CCDC171: variants seen among roughly 807,000 people sequenced by gnomAD.
The protein encoded by CCDC171 is coiled-coil domain-containing protein 171.
CCDC171 carries 177 observed loss-of-function variants against 168.2 expected under a neutral mutation model. The ratio of observed to expected loss-of-function variants is 1.05; its 90% CI spans 0.93 to 1.19. CCDC171 has a LOEUF of 1.19. CCDC171 is among the 50% of genes most tolerant of loss of function. CCDC171 has a pLI of 0.00. For missense variants in CCDC171, 1,991 were observed against 1,539.0 expected (o/e 1.29, Z -4.91); for synonymous variants, 687 against 540.8 (o/e 1.27, Z -3.75).
intron 1 of CCDC171, 194 bp downstream of exon 1, chr9:15,553,496 A>G (rs1416868420): frequency 6.6e-6 from 1 of 152,398 alleles, no homozygotes; most frequent in Non-Finnish European, 1.5e-5. Flanking sequence ...CTAGCCAGAG[A>G]TCGCTGAGGC....
In CCDC171 at chr9:15,800,711, C is replaced by A. The variant is rs78897347; in HGVS notation, c.3267+16017C>A. Among the ~76,000 whole-genome samples, 1,038 of 151,972 alleles carry A rather than the reference C, an allele frequency of 6.8e-3. 7 individuals carry two copies. The highest frequency in any genetic ancestry group is 0.023 in the African/African-American group (965 of 41,464). ...CCAAACCAATTTCCTAGAGAGTTTC[C>A]CCAGTGTTTTCTTGTAGTAGTTTTA... is the stretch of plus-strand genomic sequence containing the variant. On this transcript the variant is annotated intron_variant, in intron 21 of 25. Transcript: ENST00000380701.
intron 24 of CCDC171, among the ~76,000 whole-genome samples, chr9:15,880,011 C>T (rs1752777): frequency 0.78 from 118,354 of 152,058 alleles, 46,812 homozygotes; most frequent in East Asian, 0.85. Flanking sequence ...AAAGTTTTTT[C>T]CTCTTTTTAT....
chr9:15,655,019 C>A (rs997909196), intron 7 of CCDC171, among the ~76,000 whole-genome samples: 2 of 152,082 alleles, frequency 1.3e-5, no homozygotes, highest in African/African-American at 4.8e-5. Flanking sequence ...ACATCACACA[C>A]CGGAGCCTGT....
At chr9:15,804,688 G>A (rs1295183827) in intron 21 of CCDC171, among the ~76,000 whole-genome samples, 1 of 151,906 alleles carries the variant, frequency 6.6e-6, no homozygotes, top group Non-Finnish European at 1.5e-5. Context: ...TATTAGCCTG[G>A]AGTTGTCTTG....
intron 20 of CCDC171, among the ~76,000 whole-genome samples, chr9:15,781,796 A>C (rs1259355225): frequency 6.6e-6 from 1 of 152,200 alleles, no homozygotes; most frequent in Non-Finnish European, 1.5e-5. Flanking sequence ...CGTGTTGACC[A>C]GGTATCAGAC....
chr9:15,658,480 C>G (rs1026229105), intron 8 of CCDC171, among the ~76,000 whole-genome samples: 1 of 152,176 alleles, frequency 6.6e-6, no homozygotes, highest in Non-Finnish European at 1.5e-5. Flanking sequence ...TCAAAGATGT[C>G]CACATCTGCC....
intron 23 of CCDC171, among the ~76,000 whole-genome samples, chr9:15,869,087 C>T (rs1348420167): frequency 6.6e-6 from 1 of 151,938 alleles, no homozygotes; most frequent in African/African-American, 2.4e-5. Context: ...TGTACATGTT[C>T]AGGACAGATG....
At chr9:16,047,686 C>G (rs554205159) in intron 1 of CCDC171, among the ~76,000 whole-genome samples, 1 of 152,202 alleles carries the variant, frequency 6.6e-6, no homozygotes. Context: ...GTCAGGAGCA[C>G]GTGGATTTGA....
intron 9 of CCDC171, among the ~76,000 whole-genome samples, chr9:15,666,885 A>G (rs2048772810): frequency 6.6e-6 from 1 of 152,190 alleles, no homozygotes; most frequent in African/African-American, 2.4e-5. Context: ...TAATAATAGC[A>G]GTAACACTAC....
downstream of CCDC171, among the ~76,000 whole-genome samples, chr9:16,063,512 G>T (rs561360758): frequency 5.3e-5 from 8 of 152,308 alleles, no homozygotes; most frequent in African/African-American, 1.9e-4. Context: ...AAAAAGTGAA[G>T]TTGGGGGGTT....
intron 4 of CCDC171, among the ~76,000 whole-genome samples, chr9:15,580,424 GA>G (rs2041017119): frequency 6.6e-6 from 1 of 151,974 alleles, no homozygotes; most frequent in Non-Finnish European, 1.5e-5. Flanking sequence ...CACAGCAAAA[GA>G]ATAGTCAGCA....
chr9:15,734,256 C>G (rs1003068779), intron 16 of CCDC171, among the ~76,000 whole-genome samples: 9 of 152,286 alleles, frequency 5.9e-5, no homozygotes, highest in Non-Finnish European at 1.2e-4. Flanking sequence ...AAATTGGAGG[C>G]TGAGTGTGGT....
chr9:15,583,761 C>T (rs2041329585), intron 4 of CCDC171, among the ~76,000 whole-genome samples: 1 of 151,622 alleles, frequency 6.6e-6, no homozygotes, highest in South Asian at 2.1e-4. Flanking sequence ...ACCATCTGTT[C>T]CCCAAACTAT....
At chr9:15,600,780 C>G (rs997400942) in intron 6 of CCDC171, among the ~76,000 whole-genome samples, 28 of 152,186 alleles carry the variant, frequency 1.8e-4, no homozygotes, top group African/African-American at 6.3e-4. Flanking sequence ...GCGGTGGGCT[C>G]CACCCATTTC....
intron 8 of CCDC171, chr9:16,036,242 G>A (rs1833464824): frequency 6.6e-6 from 1 of 152,200 alleles, no homozygotes; most frequent in Non-Finnish European, 1.5e-5. Flanking sequence ...AGTTGTCTTG[G>A]GAACGTGAAT....
At chr9:16,074,291 T>C in the CCDC171 span, among the ~76,000 whole-genome samples, 3 of 152,212 alleles carry the variant, frequency 2.0e-5, no homozygotes, top group African/African-American at 7.2e-5. Context: ...CTCTTTGTCT[T>C]GCTGGATATA....
chr9:15,687,576 A>G (rs919674982), intron 10 of CCDC171, among the ~76,000 whole-genome samples: 1 of 152,210 alleles, frequency 6.6e-6, no homozygotes, highest in African/African-American at 2.4e-5. Flanking sequence ...TAAAAAATAG[A>G]GGAAATCAGT....
intron 21 of CCDC171, among the ~76,000 whole-genome samples, chr9:15,785,116 T>C (rs568347878): frequency 1.3e-5 from 2 of 152,228 alleles, no homozygotes; most frequent in Admixed American, 1.3e-4. Context: ...AAGTACATAT[T>C]TGGGGAGAAG....
chr9:15,992,228 C>G (rs1468687832), intron 3 of CCDC171, among the ~76,000 whole-genome samples: 2 of 152,118 alleles, frequency 1.3e-5, no homozygotes, highest in Non-Finnish European at 2.9e-5. Context: ...AAAGCTTATC[C>G]ACCATGACCA....
Sources: gnomAD v4.1 joint callset for allele counts (sites outside exome capture counted in the v4.1 genomes callset) on GRCh38, gnomAD v4.1.1 for gene constraint, MANE v1.5 for transcripts, NCBI Gene and HGNC (gene_info 2026-07-23, HGNC 2026-07-21) for gene names.